Variants in DCDC2 observed in about 807,000 individuals in gnomAD.
The protein encoded by DCDC2 is doublecortin domain containing 2.
DCDC2 carries 40 observed loss-of-function variants against 50.2 expected under a neutral mutation model. The ratio of observed to expected loss-of-function variants is 0.80; its 90% confidence interval spans 0.62 to 1.04. The LOEUF (loss-of-function observed/expected upper bound fraction) is 1.04, where lower values mean the gene tolerates loss of function less well. Among genes scored for constraint, DCDC2 ranks in the 50% least tolerant of loss-of-function variants. The pLI is 0.00. For missense variants in DCDC2, 570 were observed against 581.9 expected, an observed-to-expected ratio of 0.98 and a Z score of 0.21; for synonymous variants, 234 against 210.6, an observed-to-expected ratio of 1.11 and a Z score of -0.96.
chr6:24,331,441 G>T (rs1458963626), intron 2 of DCDC2, among the ~76,000 whole-genome samples: 1 of 151,718 alleles, frequency 6.6e-6, no homozygotes, highest in Non-Finnish European at 1.5e-5. Context: ...GCTAGGACAG[G>T]AATAGATGAT....
chr6:24,281,846 T>C (rs945940440), intron 6 of DCDC2, among the ~76,000 whole-genome samples: 8 of 152,156 alleles, frequency 5.3e-5, no homozygotes, highest in Non-Finnish European at 1.0e-4. Flanking sequence ...ACATATACAT[T>C]AACACAAATA....
chr6:24,221,162 G>A (rs1762110659), intron 7 of DCDC2, among the ~76,000 whole-genome samples: 1 of 152,084 alleles, frequency 6.6e-6, no homozygotes, highest in Non-Finnish European at 1.5e-5. Flanking sequence ...TCACTTAAGA[G>A]GGCACCTTGA....
intron 7 of DCDC2, among the ~76,000 whole-genome samples, chr6:24,257,238 A>C (rs1762913412): frequency 6.6e-6 from 1 of 152,206 alleles, no homozygotes; most frequent in Non-Finnish European, 1.5e-5. Context: ...TGGAATGCCT[A>C]ACCTTCAAAT....
At chr6:24,253,210 G>A (rs572909154) in intron 7 of DCDC2, among the ~76,000 whole-genome samples, 8 of 151,940 alleles carry the variant, frequency 5.3e-5, no homozygotes, top group African/African-American at 1.4e-4. Flanking sequence ...AAAATAAAAC[G>A]AATGTACAAT....
intron 2 of DCDC2, among the ~76,000 whole-genome samples, chr6:24,310,602 A>G (rs1561769692): frequency 6.6e-6 from 1 of 152,188 alleles, no homozygotes; most frequent in Non-Finnish European, 1.5e-5. Flanking sequence ...TATGACCAAC[A>G]TCATTTTGCC....
chr6:24,332,007 T>C (rs572907459), intron 2 of DCDC2, among the ~76,000 whole-genome samples: 40 of 152,284 alleles, frequency 2.6e-4, no homozygotes, highest in Admixed American at 2.2e-3. Flanking sequence ...AATAAGAGAT[T>C]TGGAAAGGAA....
At chr6:24,231,503 C>T (rs1762335395) in intron 7 of DCDC2, among the ~76,000 whole-genome samples, 1 of 152,148 alleles carries the variant, frequency 6.6e-6, no homozygotes, top group Admixed American at 6.5e-5. Flanking sequence ...TGTTTCTGGA[C>T]ACAGTCCTTT....
At chr6:24,255,081 C>G (rs1762874416) in intron 7 of DCDC2, among the ~76,000 whole-genome samples, 1 of 151,932 alleles carries the variant, frequency 6.6e-6, no homozygotes. Context: ...GATGATAAAG[C>G]TAAAATAATT....
Position 24,201,763 on chromosome 6 carries a change from AGAGAG to A in DCDC2, c.1023+3234_1023+3238del, listed in dbSNP as rs745927512. Among the ~76,000 whole-genome samples, 6 of 152,320 alleles carry A rather than the reference AGAGAG, an allele frequency of 3.9e-5. No homozygotes were observed. In the East Asian group the frequency reaches 1.2e-3, roughly 29 times the overall value. On this transcript the variant is annotated intron_variant, in intron 8 of 9. Transcript: ENST00000378454. ...AAATAGACCACTAGCCAGACTAATAAGAGAGAAGAATCAAATAGATGCAATAAAAA... is the reference window on the plus strand; with the variant it reads ...AAATAGACCACTAGCCAGACTAATAAAAGAATCAAATAGATGCAATAAAAA...
At position 24,174,496 on chromosome 6, in the gene DCDC2, CTTAT is replaced by C. The variant is rs1266697123; in HGVS notation, c.*230_*233del. 6.5e-6 allele frequency: 2 copies of C among 309,784 alleles called. No individual in the cohort carries two copies. Among genetic ancestry groups the C allele is most frequent in the Non-Finnish European group, 5.9e-6 (1 of 170,032 alleles). 19.2% of individuals were successfully genotyped at this position (309,784 alleles called of 1,614,324 possible). Reference sequence around the variant, plus strand: ...CCAGTGCAAATTCTCCTCTGTCCGTCTTATTTAATATTTCTATATGACTTTTAAA... The same window carrying C: ...CCAGTGCAAATTCTCCTCTGTCCGTCTTAATATTTCTATATGACTTTTAAA... On this transcript the variant is annotated 3_prime_UTR_variant, in exon 10 of 10. Transcript: ENST00000378454.
Position 24,256,275 on chromosome 6 carries a change from T to TGG in DCDC2, c.922+21773_922+21774insCC, listed in dbSNP as rs35410607. On this transcript the variant is annotated intron_variant, in intron 7 of 9. Transcript: ENST00000378454. ...GGAGGGGCTTCTCAGATGCTGGACATTTTTTTTTTTTTTTTTATCTGACTG... is the reference window on the plus strand; with the variant it reads ...GGAGGGGCTTCTCAGATGCTGGACATGGTTTTTTTTTTTTTTTTATCTGACTG... Among the ~76,000 whole-genome samples, 26 of 39,264 alleles carry TGG rather than the reference T, an allele frequency of 6.6e-4. No individual in the cohort carries two copies. The Admixed American group carries it at 0.011, about 16-fold the overall frequency. The allele number at this position is 39,264 out of a possible 152,430, so 25.8% of individuals were successfully genotyped here.
At chr6:24,192,631 G>A (rs549007996) in intron 8 of DCDC2, among the ~76,000 whole-genome samples, 5 of 152,084 alleles carry the variant, frequency 3.3e-5, no homozygotes, top group African/African-American at 9.7e-5. Context: ...AACATTCAGA[G>A]AATGTGAAAG....
chr6:24,232,330 A>C (rs1762353427), intron 7 of DCDC2, among the ~76,000 whole-genome samples: 2 of 152,208 alleles, frequency 1.3e-5, no homozygotes. Context: ...CATCCCCTAC[A>C]AACAGAAGGA....
intron 2 of DCDC2, among the ~76,000 whole-genome samples, chr6:24,318,162 T>C (rs1389358974): frequency 6.6e-6 from 1 of 151,508 alleles, no homozygotes; most frequent in Non-Finnish European, 1.5e-5. Flanking sequence ...ACTCTAAATA[T>C]ATACCTCCAA....
intron 8 of DCDC2, among the ~76,000 whole-genome samples, chr6:24,182,527 A>G (rs1761096326): frequency 6.6e-6 from 1 of 151,880 alleles, no homozygotes; most frequent in South Asian, 2.1e-4. Flanking sequence ...AGATATACAA[A>G]TGGCCAATAA....
intron 2 of DCDC2, among the ~76,000 whole-genome samples, chr6:24,314,120 T>A (rs1274189548): frequency 6.6e-6 from 1 of 152,198 alleles, no homozygotes; most frequent in Non-Finnish European, 1.5e-5. Context: ...CCAAAAATAC[T>A]AAAGTGTTAT....
At chr6:24,239,134 C>T (rs183524457) in intron 7 of DCDC2, among the ~76,000 whole-genome samples, 19 of 152,256 alleles carry the variant, frequency 1.2e-4, no homozygotes, top group African/African-American at 4.1e-4. Flanking sequence ...TAGTCCTAGC[C>T]CTCAAGCACC....
At chr6:24,227,624 C>T (rs995720261) in intron 7 of DCDC2, among the ~76,000 whole-genome samples, 4 of 152,188 alleles carry the variant, frequency 2.6e-5, no homozygotes, top group Admixed American at 2.0e-4. Context: ...TAGAAATAAC[C>T]GACCACAGCA....
chr6:24,175,037 T>C (rs1760871898), intron 9 of DCDC2, among the ~76,000 whole-genome samples: 1 of 152,156 alleles, frequency 6.6e-6, no homozygotes, highest in Admixed American at 6.5e-5. Context: ...AAAGTCCTTT[T>C]GGGGTTCATA....
Sources: gnomAD v4.1 joint callset for allele counts (sites outside exome capture counted in the v4.1 genomes callset) on GRCh38, gnomAD v4.1.1 for gene constraint, MANE v1.5 for transcripts, NCBI Gene and HGNC (gene_info 2026-07-23, HGNC 2026-07-21) for gene names.